Variants in ETV1 observed in about 807,000 individuals in gnomAD.
The protein encoded by ETV1 is ETS variant transcription factor 1, also known as ETS translocation variant 1.
ETV1 carries 27 observed loss-of-function variants against 62.3 expected under a neutral mutation model. That is an observed-to-expected ratio of 0.43 (90% CI 0.32 to 0.60). The LOEUF (loss-of-function observed/expected upper bound fraction) is 0.60, where lower values mean the gene tolerates loss of function less well. Ranked by LOEUF, ETV1 falls within the 20% of genes least tolerant of loss-of-function variation. The pLI is 0.06. For synonymous variants in ETV1, 222 were observed against 199.6 expected, an observed-to-expected ratio of 1.11 and a Z score of -0.94; for missense variants, 605 against 605.8, an observed-to-expected ratio of 1.00 and a Z score of 0.01.
At chr7:13,957,116 C>T (rs1012906233) in intron 6 of ETV1, among the ~76,000 whole-genome samples, 1 of 151,864 alleles carries the variant, frequency 6.6e-6, no homozygotes, top group African/African-American at 2.4e-5. Context: ...GAAGGAGTCT[C>T]GCTCTGTCGC....
chr7:13,969,557 C>A lies in ETV1; in HGVS notation c.235+7870G>T, dbSNP rs115570411. ...TCTAACCTTGCACTCCACGAAAGGC[C>A]TGCATCAGAATCACCTAACAGTTCC... On this transcript the variant is annotated intron_variant, in intron 6 of 13. Transcript: ENST00000430479. Among the ~76,000 whole-genome samples the A allele has an allele frequency of 6.3e-3, 962 of 152,216 alleles. 12 individuals are homozygous for A. Among genetic ancestry groups the A allele is most frequent in the African/African-American group, 0.022 (917 of 41,564 alleles).
chr7:13,901,544 C>T (rs1271431127), intron 12 of ETV1, among the ~76,000 whole-genome samples: 1 of 152,046 alleles, frequency 6.6e-6, no homozygotes, highest in Admixed American at 6.6e-5. Flanking sequence ...TAGTGATCTC[C>T]TTGTAAAGGT....
At chr7:13,966,141 T>C (rs921830829) in intron 6 of ETV1, among the ~76,000 whole-genome samples, 6 of 152,200 alleles carry the variant, frequency 3.9e-5, no homozygotes, top group African/African-American at 1.4e-4. Context: ...TCTCAATGAA[T>C]AGGACAATAC....
chr7:13,914,827 CAG>C (rs1783976452), intron 9 of ETV1, among the ~76,000 whole-genome samples: 1 of 152,112 alleles, frequency 6.6e-6, no homozygotes, highest in Non-Finnish European at 1.5e-5. Flanking sequence ...TCCTTTAGGG[CAG>C]AGTTTGCTTA....
intron 6 of ETV1, among the ~76,000 whole-genome samples, chr7:13,964,283 T>A (rs926346859): frequency 6.6e-6 from 1 of 152,142 alleles, no homozygotes; most frequent in African/African-American, 2.4e-5. Context: ...TACCCATACA[T>A]CTTTATAGGG....
At position 13,894,279 on chromosome 7, in the gene ETV1, T is replaced by C. The variant is rs2128397279; in HGVS notation, c.*1587A>G. On this transcript the variant is annotated 3_prime_UTR_variant, in exon 14 of 14. Transcript: ENST00000430479. ...CTTTTAGCGAGCTATTCAGAGATTC[T>C]ATATCCCCATTTACTCATGGTTTTT... 1 of 232,700 alleles carries C rather than the reference T, an allele frequency of 4.3e-6. No individual in the cohort carries two copies. Among genetic ancestry groups the C allele is most frequent in the African/African-American group, 2.2e-5 (1 of 45,398 alleles). 14.4% of individuals were successfully genotyped at this position (232,700 alleles called of 1,614,324 possible).
rs979455766 is a variant in ETV1, at chr7:13,978,156, C to G, written c.182-676G>C. Reference sequence around the variant, plus strand: ...TTCATTCAAAATATTTTCCTGGCAACTACTAGGCATTAACAAAAAGAATAT... The same window carrying G: ...TTCATTCAAAATATTTTCCTGGCAAGTACTAGGCATTAACAAAAAGAATAT... On this transcript the variant is annotated intron_variant, in intron 5 of 13. Transcript: ENST00000430479. Among the ~76,000 whole-genome samples, 8 of 152,224 alleles carry G rather than the reference C, an allele frequency of 5.3e-5. No individual in the cohort carries two copies. The South Asian group carries it at 1.7e-3, about 32-fold the overall frequency.
At chr7:13,918,860 A>C (rs1784501397) in intron 9 of ETV1, among the ~76,000 whole-genome samples, 3 of 119,552 alleles carry the variant, frequency 2.5e-5, no homozygotes, top group Non-Finnish European at 5.1e-5. Flanking sequence ...TGTACCCTAA[A>C]ACTTAAAGTA....
At chr7:13,911,849 T>A (rs549518282) in intron 9 of ETV1, among the ~76,000 whole-genome samples, 1 of 152,340 alleles carries the variant, frequency 6.6e-6, no homozygotes, top group Non-Finnish European at 1.5e-5. Context: ...TCCTGATATC[T>A]GCATTTATAA....
rs569786138 is a variant in ETV1 at position 13,937,598 on chromosome 7, G to A, written c.365+1519C>T. Among the ~76,000 whole-genome samples, 3 of 152,282 alleles carry A rather than the reference G, an allele frequency of 2.0e-5. 1 individual carries two copies. In the East Asian group the frequency reaches 5.8e-4, roughly 29 times the overall value. On this transcript the variant is annotated intron_variant, in intron 7 of 13. Coordinates refer to ENST00000430479, the MANE Select transcript of ETV1 (RefSeq NM_004956.5). ...TCACAATTCTGATTAATGCTGAAAG[G>A]CAATGACAATTCTATATCTAACTGC... is the stretch of plus-strand genomic sequence containing the variant.
intron 4 of ETV1, among the ~76,000 whole-genome samples, chr7:13,987,671 CCAAA>C (rs940093798): frequency 2.0e-5 from 3 of 151,938 alleles, no homozygotes; most frequent in Non-Finnish European, 2.9e-5. Flanking sequence ...AGGTGGGAAA[CCAAA>C]CAATCACTAA....
At chr7:13,952,145 C>T (rs1254961080) in intron 6 of ETV1, among the ~76,000 whole-genome samples, 1 of 152,180 alleles carries the variant, frequency 6.6e-6, no homozygotes, top group African/African-American at 2.4e-5. Context: ...AGAAAGAACA[C>T]TGGATTAGGA....
chr7:13,967,125 C>G (rs141046432), intron 6 of ETV1, among the ~76,000 whole-genome samples: 6 of 152,018 alleles, frequency 3.9e-5, no homozygotes, highest in Non-Finnish European at 7.4e-5. Context: ...GTAATGGATA[C>G]GGATCTCATT....
intron 12 of ETV1, among the ~76,000 whole-genome samples, chr7:13,902,665 G>T (rs757367596): frequency 6.6e-6 from 1 of 152,104 alleles, no homozygotes; most frequent in Non-Finnish European, 1.5e-5. Flanking sequence ...TGAAAATAAA[G>T]TATTAGTATC....
chr7:13,938,520 T>C (rs10244838), intron 7 of ETV1, among the ~76,000 whole-genome samples: 2,919 of 152,326 alleles, frequency 0.019, 87 homozygotes, highest in African/African-American at 0.066. Context: ...AAAAGTAGCA[T>C]CATACAATTT....
chr7:13,987,251 A>C (rs1021434831), intron 4 of ETV1, among the ~76,000 whole-genome samples: 1 of 151,564 alleles, frequency 6.6e-6, no homozygotes, highest in Non-Finnish European at 1.5e-5. Flanking sequence ...AAAGTCAGAA[A>C]GATAATTCTT....
chr7:13,986,562 G>T, intron 5 of ETV1, 76 bp downstream of exon 5: 2 of 1,596,982 alleles, frequency 1.3e-6, no homozygotes, highest in Admixed American at 1.8e-5. Context: ...TGAATATTAA[G>T]ACAGCAAGTT....
intron 6 of ETV1, among the ~76,000 whole-genome samples, chr7:13,952,136 G>C (rs141450657): frequency 5.5e-4 from 84 of 152,316 alleles, no homozygotes; most frequent in African/African-American, 1.8e-3. Context: ...TGGCCTGGAA[G>C]AAAGAACACT....
At chr7:13,904,884 G>T (rs1782798220) in intron 12 of ETV1, among the ~76,000 whole-genome samples, 1 of 150,586 alleles carries the variant, frequency 6.6e-6, no homozygotes, top group Admixed American at 6.7e-5. Context: ...GAGTATCTAT[G>T]AAAAAACTAA....
Sources: allele counts gnomAD v4.1 joint callset (sites outside exome capture counted in the v4.1 genomes callset), GRCh38; gene constraint gnomAD v4.1.1; transcripts MANE v1.5; gene names NCBI Gene and HGNC (gene_info 2026-07-23, HGNC 2026-07-21).